The following KCNU1 variants were observed in gnomAD, a reference collection of about 807,000 sequenced individuals.
KCNU1 encodes potassium calcium-activated channel subfamily U member 1, also known as potassium channel subfamily U member 1.
In KCNU1, 93 loss-of-function variants were observed where a neutral mutation model predicts 126.8. That is an observed-to-expected ratio of 0.73 (90% CI 0.62 to 0.87). The LOEUF (loss-of-function observed/expected upper bound fraction) is 0.87. Among genes scored for constraint, KCNU1 ranks in the 40% least tolerant of loss-of-function variants. The pLI is 0.00. For synonymous variants in KCNU1, 523 were observed against 494.2 expected (o/e 1.06, Z -0.77); for missense variants, 1,330 against 1,367.1 (o/e 0.97, Z 0.43).
chr8:36,886,317 C>T (rs1017226400), intron 19 of KCNU1, among the ~76,000 whole-genome samples: 6 of 152,190 alleles, frequency 3.9e-5, no homozygotes, highest in African/African-American at 1.2e-4. Flanking sequence ...TATAACATAT[C>T]CTATTGTAAA....
chr8:36,819,672 A>G (rs377051056), intron 10 of KCNU1, among the ~76,000 whole-genome samples: 3 of 152,186 alleles, frequency 2.0e-5, no homozygotes, highest in Admixed American at 6.5e-5. Context: ...ACTCAGAGAG[A>G]CAGTCCCTGT....
At position 36,854,771 on chromosome 8, in the gene KCNU1, T is replaced by C. The variant is rs530565273; in HGVS notation, c.1891+8872T>C. Among the ~76,000 whole-genome samples the C allele has an allele frequency of 5.3e-5, 8 of 152,324 alleles. No homozygotes were observed. In the East Asian group the frequency reaches 1.2e-3, roughly 22 times the overall value. On this transcript the variant is annotated intron_variant, in intron 18 of 26. Transcript: ENST00000399881. ...TGAGAGCCTTTTTCCTATGTATTTT[T>C]ATCTTGCTTGTTTCTTTCCAAGTCT... is the stretch of plus-strand genomic sequence containing the variant.
chr8:36,923,810 A>G (rs1446805183), intron 24 of KCNU1, among the ~76,000 whole-genome samples: 1 of 152,230 alleles, frequency 6.6e-6, no homozygotes, highest in African/African-American at 2.4e-5. Context: ...AGGTAAGTGC[A>G]AGAAAGAATG....
At chr8:36,932,846 G>A (rs1221360473) in intron 25 of KCNU1, 74 bp from the exon 26 acceptor site, 35 of 836,326 alleles carry the variant, frequency 4.2e-5, no homozygotes, top group Middle Eastern at 2.2e-4. Flanking sequence ...TAAAGCAAAC[G>A]ACACTCCAGT....
chr8:36,922,487 C>G lies in KCNU1; in HGVS notation c.2597-3C>G, dbSNP rs376340621. The G allele has an allele frequency of 3.1e-6, 5 of 1,608,506 alleles. No homozygotes were observed. The African/African-American group carries it at 6.7e-5, about 22-fold the overall frequency. ...TCTTTCCTTTTTGCCTCTTGCCTTG[C>G]AGAAAATCCTTCCAACATTCACTTT... On this transcript the variant is annotated splice_polypyrimidine_tract_variant and splice_region_variant and intron_variant, in intron 23 of 26. Transcript: ENST00000399881.
chr8:36,871,081 T>C lies in KCNU1; in HGVS notation c.2009+6560T>C, dbSNP rs117493448. Among the ~76,000 whole-genome samples the C allele has an allele frequency of 8.9e-3, 1,362 of 152,254 alleles. 9 individuals are homozygous for C. The highest frequency in any genetic ancestry group is 0.014 in the Non-Finnish European group (978 of 68,006). ...AATAAATATCTTCATCAGGTCTCAATAGCAAGACCAAAGAAGACAGCAGGA... is the reference window on the plus strand; with the variant it reads ...AATAAATATCTTCATCAGGTCTCAACAGCAAGACCAAAGAAGACAGCAGGA... On this transcript the variant is annotated intron_variant, in intron 19 of 26. Transcript: ENST00000399881.
intron 19 of KCNU1, among the ~76,000 whole-genome samples, chr8:36,895,170 C>A (rs550706031): frequency 6.6e-6 from 1 of 151,892 alleles, no homozygotes; most frequent in Admixed American, 6.6e-5. Flanking sequence ...TCACTGCCCC[C>A]CCAGTTCAAG....
intron 1 of KCNU1, among the ~76,000 whole-genome samples, chr8:36,786,402 T>A (rs554491316): frequency 6.6e-6 from 1 of 152,312 alleles, no homozygotes; most frequent in Non-Finnish European, 1.5e-5. Flanking sequence ...AGAGGGCAAA[T>A]CATTGATCAG....
In KCNU1 at chr8:36,836,917, C is replaced by T. The variant is rs1465566218; in HGVS notation, c.1490C>T (p.Thr497Ile). The T allele has an allele frequency of 1.9e-6, 3 of 1,613,830 alleles. No homozygotes were observed. Among genetic ancestry groups the T allele is most frequent in the Non-Finnish European group, 1.7e-6 (2 of 1,179,792 alleles). Residue 497 changes from threonine to isoleucine, a missense_variant, in exon 14 of 27, where the codon ACA (threonine) becomes ATA (isoleucine). By Grantham distance (89) the Thr-to-Ile change is moderately conservative. Around this residue, in one of 3 missense-constraint regions of KCNU1, gnomAD observed 1,054 missense variants for 1,053.9 expected, o/e 1.00. Coordinates refer to ENST00000399881, the MANE Select transcript of KCNU1 (RefSeq NM_001031836.3). ...GTGCCAGGCTTGTGTACCTTCCTAA[C>T]ATCTCTATTTGTGGAGCAAAACAAA... ...CLVPGLCTFL[T>I]SLFVEQNKKV...
chr8:36,877,305 G>GT (rs777465750), intron 19 of KCNU1, among the ~76,000 whole-genome samples: 3,321 of 139,948 alleles, frequency 0.024, 49 homozygotes, highest in African/African-American at 0.048. Flanking sequence ...TTTTTCCTCT[G>GT]TTTTTTTTTT....
chr8:36,909,835 A>T (rs1043113142), intron 21 of KCNU1, among the ~76,000 whole-genome samples: 2 of 152,210 alleles, frequency 1.3e-5, no homozygotes, highest in African/African-American at 4.8e-5. Flanking sequence ...TGCTCGAATC[A>T]CCATGTTTTA....
chr8:36,918,048 A>G (rs1808186475), intron 22 of KCNU1, among the ~76,000 whole-genome samples: 1 of 152,206 alleles, frequency 6.6e-6, no homozygotes, highest in South Asian at 2.1e-4. Flanking sequence ...TAAAGCACTC[A>G]TGGGGACAGC....
Position 36,935,831 on chromosome 8 carries a change from C to G in KCNU1, c.3361C>G (p.Pro1121Ala). The change falls in exon 27 of 27, where the codon CCT becomes GCT. Residue 1121 changes from proline (P) to alanine (A), a missense_variant. By Grantham distance (27) the Pro-to-Ala change is conservative. Coordinates refer to ENST00000399881, the MANE Select transcript of KCNU1 (RefSeq NM_001031836.3). ...RTNSIISSQIPLGDNAKENER... is the reference protein window; with the variant it reads ...RTNSIISSQIALGDNAKENER... Reference sequence around the variant, plus strand: ...AAACAGTATTATATCATCTCAGATACCTTTAGGTGACAATGCAAAAGAAAA... The same window carrying G: ...AAACAGTATTATATCATCTCAGATAGCTTTAGGTGACAATGCAAAAGAAAA... 6.2e-7 allele frequency: 1 copy of G among 1,612,046 alleles called. No homozygotes were observed. Among genetic ancestry groups the G allele is most frequent in the Non-Finnish European group, 8.5e-7 (1 of 1,178,842 alleles).
At chr8:36,807,094 C>T (rs1585396544) in intron 5 of KCNU1, among the ~76,000 whole-genome samples, 1 of 152,098 alleles carries the variant, frequency 6.6e-6, no homozygotes, top group Admixed American at 6.6e-5. Flanking sequence ...GATGCTACAA[C>T]TCTGTGAGGT....
chr8:36,924,865 A>G (rs971822172), intron 24 of KCNU1, among the ~76,000 whole-genome samples: 3 of 152,198 alleles, frequency 2.0e-5, no homozygotes, highest in South Asian at 4.1e-4. Flanking sequence ...TTGAGACTCA[A>G]TTAAACACCA....
At chr8:36,914,970 G>A (rs759251286) in intron 22 of KCNU1, among the ~76,000 whole-genome samples, 2 of 152,136 alleles carry the variant, frequency 1.3e-5, no homozygotes, top group African/African-American at 2.4e-5. Context: ...GCTATGATCT[G>A]ACACATTCAA....
intron 19 of KCNU1, among the ~76,000 whole-genome samples, chr8:36,901,496 A>G (rs1807417101): frequency 6.6e-6 from 1 of 152,146 alleles, no homozygotes; most frequent in African/African-American, 2.4e-5. Flanking sequence ...ATGAGGCAAC[A>G]CGTTCTGCTC....
At chr8:36,859,141 G>A (rs1006523356) in intron 18 of KCNU1, among the ~76,000 whole-genome samples, 2 of 152,100 alleles carry the variant, frequency 1.3e-5, no homozygotes, top group African/African-American at 4.8e-5. Flanking sequence ...TGGAGATCCT[G>A]GTTCTAACTA....
intron 16 of KCNU1, among the ~76,000 whole-genome samples, chr8:36,843,424 C>T (rs1210287300): frequency 1.3e-5 from 2 of 152,200 alleles, no homozygotes; most frequent in East Asian, 3.9e-4. Flanking sequence ...TGCTATAGAC[C>T]TGTTACATAT....
Sources: gnomAD v4.1 joint callset for allele counts (sites outside exome capture counted in the v4.1 genomes callset) on GRCh38, gnomAD v4.1.1 for gene constraint, gnomAD v4.1.1 regional missense constraint, MANE v1.5 for transcripts, NCBI Gene and HGNC (gene_info 2026-07-23, HGNC 2026-07-21) for gene names.